The following FBXO46 variants were observed in gnomAD, a reference collection of about 807,000 sequenced individuals.
FBXO46 encodes F-box protein 46.
In FBXO46, 13 loss-of-function variants were observed where a neutral mutation model predicts 30.7. The observed-to-expected ratio is 0.42, with a 90% CI of 0.28 to 0.67. The LOEUF (loss-of-function observed/expected upper bound fraction) is 0.67. FBXO46 is among the 30% of genes least tolerant of loss of function. The pLI is 0.21. For synonymous variants in FBXO46, 467 were observed against 385.8 expected (o/e 1.21, Z -2.47); for missense variants, 754 against 871.5 (o/e 0.87, Z 1.70).
At chr19:45,731,505 C>A (rs543027876), upstream of FBXO46, among the ~76,000 whole-genome samples, 4 of 151,436 alleles carry the variant, frequency 2.6e-5, no homozygotes, top group African/African-American at 9.7e-5. Context: ...TTAGTAAAAA[C>A]GGAGTTTCAC....
rs895750037 is a variant in FBXO46 at position 45,729,528 on chromosome 19, C to T, written c.-79+1321G>A. On this transcript the variant is annotated intron_variant, in intron 1 of 1. Transcript: ENST00000317683. The stretch of plus-strand genomic sequence containing the variant: ...CTTTGTTCGCTGTCTCTACTCATCA[C>T]ATTGTATATTTCAGTATGGAGAGAG... 2.6e-5 allele frequency among the ~76,000 whole-genome samples: 4 copies of T among 152,366 alleles called. No individual in the cohort carries two copies. In the East Asian group the frequency reaches 5.8e-4, roughly 22 times the overall value.
rs1968035196 is a variant in FBXO46 at position 45,713,468 on chromosome 19, G to C, written c.28C>G (p.Gln10Glu). 1.6e-5 allele frequency: 25 copies of C among 1,582,342 alleles called. No individual in the cohort carries two copies. Among genetic ancestry groups the C allele is most frequent in the Non-Finnish European group, 2.2e-5 (25 of 1,159,658 alleles). Residue 10 changes from glutamine (Q) to glutamate (E), a missense_variant, in exon 2 of 2, where the codon CAG becomes GAG. Physicochemically the swap from Gln to Glu is conservative, Grantham distance 29 (BLOSUM62 2). Transcript: ENST00000317683. The surrounding 1 kb of genome is among the most constrained non-coding windows in gnomAD (Gnocchi z 4.7). MDRGSLLPF[Q>E]LWCPRPFGTY... The stretch of plus-strand genomic sequence containing the variant: ...CCAAAGGGCCGGGGGCACCATAGCT[G>C]GAAGGGCAGGAGGCTCCCACGGTCC...
In FBXO46 at chr19:45,710,952, A is replaced by G. The variant is rs1967946759; in HGVS notation, c.*732T>C. On this transcript the variant is annotated 3_prime_UTR_variant, in exon 2 of 2. Coordinates refer to ENST00000317683, the MANE Select transcript of FBXO46 (RefSeq NM_001080469.2). ...TCAAAAGCGAGGCAAAGGGCTTCACAGCTTTATGGGGGTGGGGTTGATGGC... is the reference window on the plus strand; with the variant it reads ...TCAAAAGCGAGGCAAAGGGCTTCACGGCTTTATGGGGGTGGGGTTGATGGC... The G allele has an allele frequency of 5.2e-6, 1 of 192,250 alleles. No homozygotes were observed. Among genetic ancestry groups the G allele is most frequent in the Non-Finnish European group, 1.1e-5 (1 of 93,368 alleles). The allele number at this position is 192,250 out of a possible 1,614,324, so 11.9% of individuals were successfully genotyped here.
Position 45,713,308 on chromosome 19 carries a change from T to C in FBXO46, c.188A>G (p.Glu63Gly). Residue 63 changes from glutamate to glycine, a missense_variant, in exon 2 of 2, where the codon GAG becomes GGG. Coordinates refer to ENST00000317683, the MANE Select transcript of FBXO46 (RefSeq NM_001080469.2). This position sits in a 1 kb window ranked among gnomAD's most constrained non-coding sequence, Gnocchi z 4.7. ...SENTPPALAT[E>G]VPASQPAPLL... ...CGGAGCCGGCTGGGAGGCAGGGACCTCAGTGGCCAAGGCGGGTGGTGTGTT... is the reference window on the plus strand; with the variant it reads ...CGGAGCCGGCTGGGAGGCAGGGACCCCAGTGGCCAAGGCGGGTGGTGTGTT... 6.2e-7 allele frequency: 1 copy of C among 1,613,570 alleles called. No individual in the cohort carries two copies. Among genetic ancestry groups the C allele is most frequent in the Non-Finnish European group, 8.5e-7 (1 of 1,179,712 alleles).
At position 45,712,613 on chromosome 19, in the gene FBXO46, C is replaced by A; in HGVS notation, c.883G>T (p.Gly295Cys). Residue 295 changes from glycine (G) to cysteine (C), a missense_variant, in exon 2 of 2, where the codon GGT becomes TGT. Around this residue, in one of 5 missense-constraint regions of FBXO46, gnomAD observed 454 missense variants for 426.5 expected, o/e 1.06. Transcript: ENST00000317683. The surrounding 1 kb of genome is among the most constrained non-coding windows in gnomAD (Gnocchi z 8.8). Reference protein sequence around the residue: ...RPGCAYPGSPGPGARAKDKIT... With the variant: ...RPGCAYPGSPCPGARAKDKIT... ...TTGTCCTTGGCTCGGGCCCCAGGAC[C>A]TGGGCTGCCAGGGTAGGCACAACCA... The A allele has an allele frequency of 1.3e-6, 2 of 1,596,164 alleles. No individual in the cohort carries two copies. The highest frequency in any genetic ancestry group is 1.7e-6 in the Non-Finnish European group (2 of 1,170,846).
chr19:45,721,271 G>A (rs1968166823), intron 1 of FBXO46, among the ~76,000 whole-genome samples: 1 of 151,980 alleles, frequency 6.6e-6, no homozygotes. Flanking sequence ...CTTGAGCCCG[G>A]AAGTGGAGGG....
intron 1 of FBXO46, among the ~76,000 whole-genome samples, chr19:45,719,435 A>G (rs535898523): frequency 2.5e-4 from 38 of 152,292 alleles, no homozygotes; most frequent in African/African-American, 8.9e-4. Context: ...TATGGCTTCC[A>G]AATAGATAAA....
chr19:45,713,503 G>A lies in FBXO46; in HGVS notation c.-8C>T, dbSNP rs764810021. On this transcript the variant is annotated 5_prime_UTR_variant, in exon 2 of 2. Transcript: ENST00000317683. The surrounding 1 kb of genome is among the most constrained non-coding windows in gnomAD (Gnocchi z 4.7). ...GAGGCTCCCACGGTCCATGCTGGGG[G>A]ATGATGGCAGACAGGCTGGGCTTCA... 9 of 1,539,456 alleles carry A rather than the reference G, an allele frequency of 5.8e-6. No individual in the cohort carries two copies. In the East Asian group the frequency reaches 1.8e-4, roughly 31 times the overall value.
In FBXO46 at chr19:45,712,715, T is replaced by TG; in HGVS notation, c.780dup (p.Ile261HisfsTer47). ...CGGCCGTTGGAGATGCGGAAGGCGA[T>TG]GCGCACCTCCCCAGGGCCTGGCCCG... On this transcript the variant is annotated frameshift_variant, in exon 2 of 2. Transcript: ENST00000317683. LOFTEE classifies it high-confidence loss of function. The surrounding 1 kb of genome is among the most constrained non-coding windows in gnomAD (Gnocchi z 8.8). 6.2e-7 allele frequency: 1 copy of TG among 1,612,536 alleles called. No individual in the cohort carries two copies. The highest frequency in any genetic ancestry group is 8.5e-7 in the Non-Finnish European group (1 of 1,179,380).
chr19:45,713,423 G>A lies in FBXO46; in HGVS notation c.73C>T (p.Pro25Ser). ...RPFGTYSQNQ[P>S]RPPSAALKPS... Reference sequence around the variant, plus strand: ...TTGAGGGCCGCAGAAGGCGGGCGTGGCTGGTTCTGTGAGTAGGTGCCAAAG... The same window carrying A: ...TTGAGGGCCGCAGAAGGCGGGCGTGACTGGTTCTGTGAGTAGGTGCCAAAG... Residue 25 changes from proline (P) to serine (S), a missense_variant, in exon 2 of 2, where the codon CCA becomes TCA. By Grantham distance (74) the Pro-to-Ser change is moderately conservative. This residue lies in a region of FBXO46 where 97 missense variants were observed against 113.0 expected (regional missense o/e 0.86). Coordinates refer to ENST00000317683, the MANE Select transcript of FBXO46 (RefSeq NM_001080469.2). This position sits in a 1 kb window ranked among gnomAD's most constrained non-coding sequence, Gnocchi z 4.7. The A allele has an allele frequency of 6.2e-7, 1 of 1,605,770 alleles. No homozygotes were observed.
Position 45,712,870 on chromosome 19 carries a change from G to A in FBXO46, c.626C>T (p.Pro209Leu), listed in dbSNP as rs368466726. The change falls in exon 2 of 2, where the codon CCG becomes CTG. Residue 209 changes from proline (P) to leucine (L), a missense_variant. Physicochemically the swap from Pro to Leu is moderately conservative, Grantham distance 98. This residue lies in a region of FBXO46 where 454 missense variants were observed against 426.5 expected (regional missense o/e 1.06). Transcript: ENST00000317683. This position sits in a 1 kb window ranked among gnomAD's most constrained non-coding sequence, Gnocchi z 8.8. ...CCGTTCAGATCCCACCCCCTTGGCC[G>A]GTCCACCTTGCTCGGCGGACACAAA... ...VVFVSAEQGG[P>L]AKGVGSERRS... The A allele has an allele frequency of 6.2e-6, 10 of 1,613,294 alleles. No individual in the cohort carries two copies. The East Asian group carries it at 6.7e-5, about 11-fold the overall frequency.
At chr19:45,731,172 G>C (rs1021554992), upstream of FBXO46, among the ~76,000 whole-genome samples, 2 of 152,190 alleles carry the variant, frequency 1.3e-5, no homozygotes, top group Non-Finnish European at 2.9e-5. Flanking sequence ...GAGGCCCTTG[G>C]GAAGGGAATT....
chr19:45,716,357 C>A (rs1968090645), intron 1 of FBXO46: 1 of 152,150 alleles, frequency 6.6e-6, no homozygotes, highest in Middle Eastern at 3.4e-3. Flanking sequence ...CTGGCCACCC[C>A]CTCAAGTCCC....
chr19:45,732,329 A>C (rs1968330245), upstream of FBXO46, among the ~76,000 whole-genome samples: 1 of 152,018 alleles, frequency 6.6e-6, no homozygotes, highest in Non-Finnish European at 1.5e-5. Flanking sequence ...GTCGCTGGCA[A>C]CACAGCCAAG....
intron 1 of FBXO46, among the ~76,000 whole-genome samples, chr19:45,714,155 T>C (rs1968052292): frequency 6.6e-6 from 1 of 152,018 alleles, no homozygotes; most frequent in South Asian, 2.1e-4. Context: ...CCAGAGGCCT[T>C]TAAACTGCCA....
Position 45,713,415 on chromosome 19 carries a change from C to G in FBXO46, c.81G>C (p.Pro27=). 1 of 1,607,674 alleles carries G rather than the reference C, an allele frequency of 6.2e-7. No homozygotes were observed. The highest frequency in any genetic ancestry group is 8.5e-7 in the Non-Finnish European group (1 of 1,175,440). The part of the protein sequence containing the change: ...FGTYSQNQPR[P]PSAALKPSAC... ...CTGATGGCTTGAGGGCCGCAGAAGG[C>G]GGGCGTGGCTGGTTCTGTGAGTAGG... Residue 27 remains proline, a synonymous_variant, in exon 2 of 2, where the codon CCG becomes CCC. Coordinates refer to ENST00000317683, the MANE Select transcript of FBXO46 (RefSeq NM_001080469.2). The surrounding 1 kb of genome is among the most constrained non-coding windows in gnomAD (Gnocchi z 4.7).
intron 1 of FBXO46, among the ~76,000 whole-genome samples, chr19:45,729,284 G>A (rs1968278320): frequency 1.3e-5 from 2 of 151,484 alleles, no homozygotes; most frequent in Non-Finnish European, 2.9e-5. Flanking sequence ...ACAAAAATTA[G>A]CCAGGGCGTG....
At chr19:45,728,697 CGTGT>C (rs1031878540) in intron 1 of FBXO46, among the ~76,000 whole-genome samples, 23 of 151,976 alleles carry the variant, frequency 1.5e-4, no homozygotes, top group African/African-American at 5.6e-4. Context: ...AAAAATTAGC[CGTGT>C]GTAATAAAAA....
At position 45,712,695 on chromosome 19, in the gene FBXO46, G is replaced by T. The variant is rs780014380; in HGVS notation, c.801C>A (p.Asn267Lys). 6.2e-7 allele frequency: 1 copy of T among 1,612,780 alleles called. No homozygotes were observed. The highest frequency in any genetic ancestry group is 8.5e-7 in the Non-Finnish European group (1 of 1,179,448). ...TGTCTGGTGCACGGGGCTCCCGGCC[G>T]TTGGAGATGCGGAAGGCGATGCGCA... ...GEVRIAFRIS[N>K]GREPRAPDSG... The change falls in exon 2 of 2, where the codon AAC (asparagine) becomes AAA (lysine). Residue 267 changes from asparagine to lysine, a missense_variant. Physicochemically the swap from Asn to Lys is moderately conservative, Grantham distance 94. Transcript: ENST00000317683. This position sits in a 1 kb window ranked among gnomAD's most constrained non-coding sequence, Gnocchi z 8.8.
Sources: allele counts gnomAD v4.1 joint callset (sites outside exome capture counted in the v4.1 genomes callset), GRCh38; gene constraint gnomAD v4.1.1; regional missense constraint gnomAD v4.1.1; non-coding constraint Gnocchi (gnomAD v3.1); transcripts MANE v1.5; gene names NCBI Gene and HGNC (gene_info 2026-07-23, HGNC 2026-07-21).